Variants in PPP1R12A observed in about 807,000 individuals in gnomAD.
The protein encoded by PPP1R12A is protein phosphatase 1 regulatory subunit 12A, also known as myosin binding subunit.
In PPP1R12A, 19 loss-of-function variants were observed where a neutral mutation model predicts 139.6. That is an observed-to-expected ratio of 0.14 (90% confidence interval 0.09 to 0.20). The LOEUF (loss-of-function observed/expected upper bound fraction) is 0.20. PPP1R12A is among the 10% of genes least tolerant of loss of function. PPP1R12A has a pLI of 1.00. For missense variants in PPP1R12A, 925 were observed against 1,211.5 expected, an observed-to-expected ratio of 0.76 and a Z score of 3.51; for synonymous variants, 427 against 420.6, an observed-to-expected ratio of 1.02 and a Z score of -0.19.
At chr12:79,812,562 T>TGG (rs1316211689) in intron 9 of PPP1R12A, among the ~76,000 whole-genome samples, 1 of 151,924 alleles carries the variant, frequency 6.6e-6, no homozygotes, top group Non-Finnish European at 1.5e-5. Flanking sequence ...AGGAGGGTCT[T>TGG]TACTTCCTCA....
chr12:79,891,097 C>G (rs1884601557), intron 1 of PPP1R12A, among the ~76,000 whole-genome samples: 2 of 151,714 alleles, frequency 1.3e-5, no homozygotes, highest in African/African-American at 4.8e-5. Flanking sequence ...GAATCCTTTT[C>G]AGAAAGAAAG....
intron 2 of PPP1R12A, among the ~76,000 whole-genome samples, chr12:79,850,131 G>A (rs1490655242): frequency 6.6e-6 from 1 of 152,088 alleles, no homozygotes; most frequent in East Asian, 1.9e-4. Flanking sequence ...TTAACAAATT[G>A]TAGAAATGAA....
chr12:79,884,486 G>C (rs1883926220), intron 1 of PPP1R12A, among the ~76,000 whole-genome samples: 1 of 152,068 alleles, frequency 6.6e-6, no homozygotes, highest in Non-Finnish European at 1.5e-5. Flanking sequence ...GGTGTAAATT[G>C]TTCAAACTGT....
intron 22 of PPP1R12A, chr12:79,782,486 CT>C: frequency 2.3e-6 from 1 of 427,638 alleles, no homozygotes; most frequent in South Asian, 1.7e-5. Context: ...ACTTCCTGTA[CT>C]ATCTGACCAG....
rs1426298296 is a variant in PPP1R12A, at chr12:79,773,878, T to C, written c.*2051A>G. The C allele has an allele frequency of 6.6e-6, 1 of 152,230 alleles. No individual in the cohort carries two copies. Among genetic ancestry groups the C allele is most frequent in the African/African-American group, 2.4e-5 (1 of 41,466 alleles). The allele number at this position is 152,230 out of a possible 1,614,324, so 9.4% of individuals were successfully genotyped here. On this transcript the variant is annotated 3_prime_UTR_variant, in exon 25 of 25. Coordinates refer to ENST00000450142, the MANE Select transcript of PPP1R12A (RefSeq NM_002480.3). Reference sequence around the variant, plus strand: ...TCAAAATACATTTTTATTTCCAAAATAGTGGGTTTTGCAACTAGTTTCATG... The same window carrying C: ...TCAAAATACATTTTTATTTCCAAAACAGTGGGTTTTGCAACTAGTTTCATG...
chr12:79,875,221 G>C (rs552233431), intron 1 of PPP1R12A, among the ~76,000 whole-genome samples: 15 of 152,142 alleles, frequency 9.9e-5, no homozygotes, highest in Admixed American at 3.9e-4. Flanking sequence ...TTTACCCTGG[G>C]GAGGCTTTCT....
intron 23 of PPP1R12A, chr12:79,780,424 G>A (rs918703864): frequency 1.3e-5 from 2 of 151,906 alleles, no homozygotes; most frequent in African/African-American, 4.8e-5. Context: ...AGGTGAGCTT[G>A]TCAGAGTATG....
intron 21 of PPP1R12A, chr12:79,788,424 G>C: frequency 2.3e-6 from 1 of 425,802 alleles, no homozygotes; most frequent in African/African-American, 2.0e-5. Flanking sequence ...CTCAATCATA[G>C]CAATGACTTG....
chr12:79,928,987 A>AC (rs1427548447), intron 1 of PPP1R12A, among the ~76,000 whole-genome samples: 1 of 152,244 alleles, frequency 6.6e-6, no homozygotes, highest in African/African-American at 2.4e-5. Context: ...AACTAATTCT[A>AC]CTTTGTATTC....
chr12:79,889,400 A>G (rs1400626023), intron 1 of PPP1R12A, among the ~76,000 whole-genome samples: 1 of 152,172 alleles, frequency 6.6e-6, no homozygotes, highest in East Asian at 1.9e-4. Flanking sequence ...GATAGAAAAG[A>G]CAACAAAATC....
chr12:79,875,371 C>T (rs1883000433), intron 1 of PPP1R12A, among the ~76,000 whole-genome samples: 1 of 152,204 alleles, frequency 6.6e-6, no homozygotes, highest in Admixed American at 6.5e-5. Flanking sequence ...GGATGAAATC[C>T]ACTCAAGGAG....
chr12:79,912,128 A>G (rs1462607002), intron 1 of PPP1R12A, among the ~76,000 whole-genome samples: 1 of 152,138 alleles, frequency 6.6e-6, no homozygotes, highest in Non-Finnish European at 1.5e-5. Flanking sequence ...TTCACCAAGA[A>G]TCTATCTCTC....
At chr12:79,906,628 T>C (rs1439600524) in intron 1 of PPP1R12A, among the ~76,000 whole-genome samples, 2 of 152,076 alleles carry the variant, frequency 1.3e-5, no homozygotes, top group African/African-American at 4.8e-5. Flanking sequence ...TATGTATTTA[T>C]TTATTTATAA....
At chr12:79,902,656 T>C (rs1885754642) in intron 1 of PPP1R12A, among the ~76,000 whole-genome samples, 1 of 152,202 alleles carries the variant, frequency 6.6e-6, no homozygotes, top group Admixed American at 6.5e-5. Context: ...CAATTTCCTG[T>C]TTCCATGCTG....
Position 79,848,781 on chromosome 12 carries a change from A to C in PPP1R12A, c.369-3361T>G, listed in dbSNP as rs150359872. ...ATAATAATAAATAATAATAAACAAA[A>C]TCTCACGGACTGATTAATCCTATGG... On this transcript the variant is annotated intron_variant, in intron 2 of 24. Coordinates refer to ENST00000450142, the MANE Select transcript of PPP1R12A (RefSeq NM_002480.3). The C allele has an allele frequency of 2.0e-5, 3 of 152,198 alleles. No homozygotes were observed. In the East Asian group the frequency reaches 5.8e-4, roughly 29 times the overall value. The allele number at this position is 152,198 out of a possible 1,614,324, so 9.4% of individuals were successfully genotyped here. A position where few individuals can be genotyped will look rare whatever the true frequency, so the allele number is the denominator to read the frequency against.
chr12:79,833,542 G>A (rs1877691624), intron 3 of PPP1R12A, among the ~76,000 whole-genome samples: 1 of 151,802 alleles, frequency 6.6e-6, no homozygotes, highest in Non-Finnish European at 1.5e-5. Flanking sequence ...AGGGAGATCA[G>A]AGCCAGGTGC....
At chr12:79,837,564 C>T (rs930598845) in intron 3 of PPP1R12A, among the ~76,000 whole-genome samples, 1 of 152,116 alleles carries the variant, frequency 6.6e-6, no homozygotes, top group African/African-American at 2.4e-5. Flanking sequence ...TGTGTTCTCA[C>T]CCAAATCTCA....
rs901310241 is a variant in PPP1R12A at position 79,773,624 on chromosome 12, CA to C, written c.*2304del. On this transcript the variant is annotated 3_prime_UTR_variant, in exon 25 of 25. Coordinates refer to ENST00000450142, the MANE Select transcript of PPP1R12A (RefSeq NM_002480.3). ...ATAAACATTTGTCCAAATTGGTACA[CA>C]GATTGCATAAATATGGCAATTAAGA... 6.6e-6 allele frequency: 1 copy of C among 152,140 alleles called. No homozygotes were observed. Among genetic ancestry groups the C allele is most frequent in the Admixed American group, 6.5e-5 (1 of 15,278 alleles). 9.4% of individuals were successfully genotyped at this position (152,140 alleles called of 1,614,324 possible). A position where few individuals can be genotyped will look rare whatever the true frequency, so the allele number is the denominator to read the frequency against.
At chr12:79,920,665 T>C (rs1887364651) in intron 1 of PPP1R12A, among the ~76,000 whole-genome samples, 1 of 152,164 alleles carries the variant, frequency 6.6e-6, no homozygotes, top group South Asian at 2.1e-4. Flanking sequence ...AATGAATTAA[T>C]GGGTTATCAT....
Sources: gnomAD v4.1 joint callset for allele counts (sites outside exome capture counted in the v4.1 genomes callset) on GRCh38, gnomAD v4.1.1 for gene constraint, MANE v1.5 for transcripts, NCBI Gene and HGNC (gene_info 2026-07-23, HGNC 2026-07-21) for gene names.